Variants in EIF4G3 observed in about 807,000 individuals in gnomAD.
EIF4G3 encodes the protein eukaryotic translation initiation factor 4 gamma 3.
EIF4G3 carries 34 observed loss-of-function variants against 186.4 expected under a neutral mutation model. The observed-to-expected ratio is 0.18, with a 90% CI of 0.14 to 0.24. The LOEUF is 0.24. EIF4G3 is among the 10% of genes least tolerant of loss of function. EIF4G3 has a pLI of 1.00. For synonymous variants in EIF4G3, 673 were observed against 679.5 expected, an observed-to-expected ratio of 0.99 and a Z score of 0.15; for missense variants, 1,536 against 1,948.5, an observed-to-expected ratio of 0.79 and a Z score of 3.99.
chr1:20,844,460 G>A (rs991335089), intron 29 of EIF4G3, among the ~76,000 whole-genome samples: 1 of 151,544 alleles, frequency 6.6e-6, no homozygotes, highest in Non-Finnish European at 1.5e-5. Flanking sequence ...TTTGAGTACT[G>A]TCTGTTCATG....
chr1:21,058,420 C>T (rs1425226166), intron 3 of EIF4G3, among the ~76,000 whole-genome samples: 1 of 152,190 alleles, frequency 6.6e-6, no homozygotes, highest in Non-Finnish European at 1.5e-5. Context: ...CCCATACACA[C>T]TACAAGCCAA....
At chr1:20,878,247 G>A (rs2081399234) in intron 20 of EIF4G3, among the ~76,000 whole-genome samples, 1 of 152,122 alleles carries the variant, frequency 6.6e-6, no homozygotes, top group Non-Finnish European at 1.5e-5. Context: ...ACTTGAGCCT[G>A]CTTAGAATGT....
At chr1:21,107,864 T>A (rs547688006) in intron 2 of EIF4G3, among the ~76,000 whole-genome samples, 1 of 152,318 alleles carries the variant, frequency 6.6e-6, no homozygotes, top group Admixed American at 6.5e-5. Context: ...ATAACAATTC[T>A]TTTTTGGCCA....
chr1:20,808,291 A>G (rs143922390), intron 36 of EIF4G3, among the ~76,000 whole-genome samples: 10 of 152,092 alleles, frequency 6.6e-5, no homozygotes, highest in African/African-American at 2.4e-4. Flanking sequence ...TCTTTTTACT[A>G]TTTTCTGCGC....
At position 21,100,855 on chromosome 1, in the gene EIF4G3, T is replaced by C. The variant is rs575388293; in HGVS notation, c.-271-11642A>G. 7.9e-5 allele frequency among the ~76,000 whole-genome samples: 12 copies of C among 152,236 alleles called. No individual in the cohort carries two copies. The East Asian group carries it at 2.1e-3, about 27-fold the overall frequency. On this transcript the variant is annotated intron_variant, in intron 2 of 36. Transcript: ENST00000602326. ...GGCGGCAAACTACGTTCTTTTTCAA[T>C]GACAGGAAAAAAGCAATATAGGATC...
At position 20,873,120 on chromosome 1, in the gene EIF4G3, T is replaced by A. The variant is rs533667464; in HGVS notation, c.2622+6203A>T. 1.1e-4 allele frequency among the ~76,000 whole-genome samples: 17 copies of A among 152,352 alleles called. No individual in the cohort carries two copies. In the East Asian group the frequency reaches 3.1e-3, roughly 28 times the overall value. On this transcript the variant is annotated intron_variant, in intron 20 of 36. Transcript: ENST00000602326. The stretch of plus-strand genomic sequence containing the variant: ...AACACCAAAGTTAGTTTTTGTTTCA[T>A]TTTTGAACATTAAATAACAAATCAT...
intron 4 of EIF4G3, among the ~76,000 whole-genome samples, chr1:21,036,010 C>T (rs1424399889): frequency 6.6e-6 from 1 of 152,200 alleles, no homozygotes; most frequent in East Asian, 1.9e-4. Flanking sequence ...CTCTCTAGGG[C>T]CTCCTCTCTG....
At chr1:20,813,261 A>G (rs35020163) in intron 34 of EIF4G3, 22 bp from the exon 35 acceptor site, 4 of 1,581,010 alleles carry the variant, frequency 2.5e-6, no homozygotes, top group Non-Finnish European at 3.5e-6. Flanking sequence ...AAGAAATAAA[A>G]CAATTAAAGA....
intron 12 of EIF4G3, among the ~76,000 whole-genome samples, chr1:20,955,415 T>C (rs1266405110): frequency 4.6e-5 from 7 of 151,980 alleles, no homozygotes; most frequent in African/African-American, 1.7e-4. Flanking sequence ...TTCTATCTTT[T>C]GTAGAGATGG....
chr1:21,129,515 T>C (rs1056749130), intron 2 of EIF4G3, among the ~76,000 whole-genome samples: 7 of 150,830 alleles, frequency 4.6e-5, no homozygotes, highest in African/African-American at 1.5e-4. Flanking sequence ...ACTGGCTTCA[T>C]GACAGAAACT....
intron 7 of EIF4G3, among the ~76,000 whole-genome samples, chr1:20,994,253 G>C (rs2081765915): frequency 6.6e-6 from 1 of 152,102 alleles, no homozygotes; most frequent in South Asian, 2.1e-4. Context: ...ATCTCCTGTG[G>C]ATGCAAAATA....
chr1:21,158,747 A>G (rs1187868890), intron 2 of EIF4G3, among the ~76,000 whole-genome samples: 1 of 152,098 alleles, frequency 6.6e-6, no homozygotes, highest in Admixed American at 6.6e-5. Flanking sequence ...ACATACACAC[A>G]CACACTCTCT....
intron 3 of EIF4G3, among the ~76,000 whole-genome samples, chr1:21,072,481 G>GCC (rs1357300604): frequency 1.3e-5 from 2 of 152,138 alleles, no homozygotes. Context: ...TCGGCTCACT[G>GCC]CAAGTGCTGC....
intron 3 of EIF4G3, among the ~76,000 whole-genome samples, chr1:21,088,783 T>A (rs2096077609): frequency 6.6e-6 from 1 of 152,164 alleles, no homozygotes; most frequent in Non-Finnish European, 1.5e-5. Flanking sequence ...GAGAATTGCT[T>A]GAACCCAGGA....
intron 2 of EIF4G3, 106 bp from the exon 3 acceptor site, chr1:21,089,319 TTAG>T: frequency 1.5e-6 from 1 of 664,990 alleles, no homozygotes; most frequent in Non-Finnish European, 2.8e-6. Context: ...TTTCACCCAA[TTAG>T]TGAGTTATAT....
Position 20,893,625 on chromosome 1 carries a change from G to T in EIF4G3, c.2145C>A (p.Pro715=). ...SDVVLDKINQ[P]KLPMRTLDPR... Reference sequence around the variant, plus strand: ...GATCCAGAGTTCGCATTGGCAATTTGGGTTGGTTGATCTGCATGAAAAAGC... The same window carrying T: ...GATCCAGAGTTCGCATTGGCAATTTTGGTTGGTTGATCTGCATGAAAAAGC... The change falls in exon 18 of 37, where the codon CCC becomes CCA. Residue 715 remains proline, a synonymous_variant. Transcript: ENST00000602326. 1 of 1,568,006 alleles carries T rather than the reference G, an allele frequency of 6.4e-7. No individual in the cohort carries two copies. Among genetic ancestry groups the T allele is most frequent in the South Asian group, 1.1e-5 (1 of 87,322 alleles).
intron 2 of EIF4G3, chr1:21,174,730 CTAAGT>C (rs1211783497): frequency 1.3e-5 from 2 of 152,180 alleles, no homozygotes; most frequent in African/African-American, 4.8e-5. Flanking sequence ...ATAAGCAACG[CTAAGT>C]TATCACCACA....
At chr1:21,099,605 A>AG (rs2096470669) in intron 2 of EIF4G3, among the ~76,000 whole-genome samples, 1 of 152,206 alleles carries the variant, frequency 6.6e-6, no homozygotes, top group Non-Finnish European at 1.5e-5. Flanking sequence ...ATAATATACT[A>AG]GTTAAGACAA....
At chr1:20,964,222 C>T (rs1448779165) in intron 12 of EIF4G3, among the ~76,000 whole-genome samples, 3 of 152,164 alleles carry the variant, frequency 2.0e-5, no homozygotes, top group African/African-American at 7.2e-5. Context: ...TACAATTCCT[C>T]ATTTTACAGA....
Sources: gnomAD v4.1 joint callset for allele counts (sites outside exome capture counted in the v4.1 genomes callset) on GRCh38, gnomAD v4.1.1 for gene constraint, MANE v1.5 for transcripts, NCBI Gene and HGNC (gene_info 2026-07-23, HGNC 2026-07-21) for gene names.